The following BICRA variants were observed in gnomAD, a reference collection of about 807,000 sequenced individuals.
BICRA encodes the protein BRD4 interacting chromatin remodeling complex associated protein.
BICRA carries 31 observed loss-of-function variants against 96.9 expected under a neutral mutation model. The observed-to-expected ratio is 0.32, with a 90% CI of 0.24 to 0.43. The LOEUF (loss-of-function observed/expected upper bound fraction) is 0.43. BICRA is among the 20% of genes least tolerant of loss of function. The pLI, the probability that BICRA is intolerant of heterozygous loss-of-function variation, is 1.00. For missense variants in BICRA, 2,283 were observed against 2,190.3 expected, an observed-to-expected ratio of 1.04 and a Z score of -0.84; for synonymous variants, 1,350 against 1,071.8, an observed-to-expected ratio of 1.26 and a Z score of -5.07.
At chr19:47,695,326 G>A (rs891604877) in intron 9 of BICRA, 39 bp from the exon 10 acceptor site, 7 of 822,464 alleles carry the variant, frequency 8.5e-6, no homozygotes, top group African/African-American at 1.7e-5. Context: ...TTCATGCAGT[G>A]ACCGCAGGCC....
intron 1 of BICRA, among the ~76,000 whole-genome samples, chr19:47,620,723 G>A (rs1163666533): frequency 6.7e-6 from 1 of 149,200 alleles, no homozygotes; most frequent in Non-Finnish European, 1.5e-5. Context: ...CAAATGACCA[G>A]GGATGCTTGT....
intron 1 of BICRA, among the ~76,000 whole-genome samples, chr19:47,654,652 A>G (rs540308592): frequency 6.6e-6 from 1 of 152,120 alleles, no homozygotes; most frequent in East Asian, 1.9e-4. Context: ...GCTATTATTA[A>G]TAGAAACATA....
chr19:47,701,488 G>A lies in BICRA; in HGVS notation c.3756G>A (p.Gly1252=), dbSNP rs780098215. ...LPTKLVIRHG[G]AGGSPSVTWA... Reference sequence around the variant, plus strand: ...CCAAGCTTGTGATCCGGCACGGCGGGGCAGGCGGCTCCCCTTCGGTCACCT... The same window carrying A: ...CCAAGCTTGTGATCCGGCACGGCGGAGCAGGCGGCTCCCCTTCGGTCACCT... Residue 1252 remains glycine, a synonymous_variant, in exon 15 of 15, where the codon GGG becomes GGA. Transcript: ENST00000594866. This position sits in a 1 kb window ranked among gnomAD's most constrained non-coding sequence, Gnocchi z 5.4. The A allele has an allele frequency of 2.6e-5, 40 of 1,549,868 alleles. No individual in the cohort carries two copies. The highest frequency in any genetic ancestry group is 3.4e-5 in the Non-Finnish European group (39 of 1,147,818).
At chr19:47,649,520 G>T (rs1290698091) in intron 1 of BICRA, among the ~76,000 whole-genome samples, 1 of 152,102 alleles carries the variant, frequency 6.6e-6, no homozygotes, top group Non-Finnish European at 1.5e-5. Context: ...ACCTGCCACT[G>T]TCTGCTCAGT....
Position 47,610,658 on chromosome 19 carries a change from A to C in BICRA, c.-108+1490A>C, listed in dbSNP as rs1971892333. Among the ~76,000 whole-genome samples, 3 of 151,282 alleles carry C rather than the reference A, an allele frequency of 2.0e-5. No individual in the cohort carries two copies. The South Asian group carries it at 6.2e-4, about 31-fold the overall frequency. ...CTACCCACCCCATAGTATAATACAG[A>C]TCTAGGGGTGCCTTTCTCTTACACC... On this transcript the variant is annotated intron_variant, in intron 1 of 14. Coordinates refer to ENST00000594866, the MANE Select transcript of BICRA (RefSeq NM_001394372.1).
chr19:47,631,835 G>A (rs573634406), intron 1 of BICRA, among the ~76,000 whole-genome samples: 11 of 152,216 alleles, frequency 7.2e-5, no homozygotes, highest in African/African-American at 2.6e-4. Flanking sequence ...GCTTAGTAGA[G>A]ACGGGGTTTC....
At chr19:47,676,948 T>C (rs1327658537) in intron 5 of BICRA, among the ~76,000 whole-genome samples, 1 of 152,058 alleles carries the variant, frequency 6.6e-6, no homozygotes, top group East Asian at 1.9e-4. Context: ...GCAGGTTGGT[T>C]GTGACCATCT....
rs1428801011 is a variant in BICRA at position 47,694,729 on chromosome 19, A to T, written c.2895+3A>T. 1 of 1,441,668 alleles carries T rather than the reference A, an allele frequency of 6.9e-7. No individual in the cohort carries two copies. Among genetic ancestry groups the T allele is most frequent in the African/African-American group, 1.4e-5 (1 of 71,688 alleles). 89.3% of individuals were successfully genotyped at this position (1,441,668 alleles called of 1,614,324 possible). A position where few individuals can be genotyped will look rare whatever the true frequency, so the allele number is the denominator to read the frequency against. On this transcript the variant is annotated splice_donor_region_variant and intron_variant, in intron 8 of 14. Coordinates refer to ENST00000594866, the MANE Select transcript of BICRA (RefSeq NM_001394372.1). Reference sequence around the variant, plus strand: ...CTCTTCTCGAGAGATTTCACCAGGTAACGGGAGGCAGGGACTGCCCGCCCC... The same window carrying T: ...CTCTTCTCGAGAGATTTCACCAGGTTACGGGAGGCAGGGACTGCCCGCCCC...
chr19:47,651,665 G>A (rs775770322), intron 1 of BICRA, among the ~76,000 whole-genome samples: 5 of 152,146 alleles, frequency 3.3e-5, no homozygotes, highest in Admixed American at 6.6e-5. Context: ...GGAACAGCAC[G>A]ATCTTAAATA....
intron 1 of BICRA, among the ~76,000 whole-genome samples, chr19:47,665,118 G>T (rs891574467): frequency 2.1e-5 from 3 of 144,104 alleles, no homozygotes; most frequent in Admixed American, 7.3e-5. Context: ...CACCCTCCCT[G>T]GCTGAGAACC....
chr19:47,689,958 C>T (rs1159356022), intron 7 of BICRA, among the ~76,000 whole-genome samples: 4 of 151,794 alleles, frequency 2.6e-5, no homozygotes, highest in African/African-American at 9.7e-5. Context: ...CAGATTTTGG[C>T]GTTCTACACG....
At chr19:47,624,694 C>CT (rs796657653) in intron 1 of BICRA, among the ~76,000 whole-genome samples, 4,878 of 145,868 alleles carry the variant, frequency 0.033, 228 homozygotes, top group African/African-American at 0.11. Flanking sequence ...CACGCCCTGA[C>CT]TTTTTTTTTT....
intron 7 of BICRA, among the ~76,000 whole-genome samples, chr19:47,685,947 G>GTTT (rs57184017): frequency 2.2e-5 from 3 of 138,640 alleles, no homozygotes; most frequent in Non-Finnish European, 3.2e-5. Flanking sequence ...ATAAGAATTT[G>GTTT]TTTTTTTTTT....
At position 47,680,745 on chromosome 19, in the gene BICRA, C is replaced by A. The variant is rs779838953; in HGVS notation, c.1575C>A (p.Ser525Arg). The A allele has an allele frequency of 1.2e-6, 2 of 1,607,950 alleles. No homozygotes were observed. The highest frequency in any genetic ancestry group is 2.2e-5 in the South Asian group (2 of 90,450). The part of the protein sequence containing the change: ...LTNQNLAGPL[S>R]LGPVLAPHSG... ...ACCAGAACCTGGCGGGCCCACTGAG[C>A]CTGGGCCCCGTGTTGGCCCCCCACT... is the stretch of plus-strand genomic sequence containing the variant. The change falls in exon 6 of 15, where the codon AGC becomes AGA. Residue 525 changes from serine (S) to arginine (R), a missense_variant. Ser to Arg is a moderately radical substitution (Grantham distance 110, BLOSUM62 -1). Coordinates refer to ENST00000594866, the MANE Select transcript of BICRA (RefSeq NM_001394372.1).
chr19:47,644,591 C>A (rs1489256974), intron 1 of BICRA, among the ~76,000 whole-genome samples: 1 of 151,708 alleles, frequency 6.6e-6, no homozygotes, highest in Non-Finnish European at 1.5e-5. Context: ...ACCTCTGCCT[C>A]TTGGGTTCAA....
chr19:47,620,059 G>A (rs993180226), intron 1 of BICRA, among the ~76,000 whole-genome samples: 19 of 152,186 alleles, frequency 1.2e-4, no homozygotes, highest in African/African-American at 4.3e-4. Flanking sequence ...CGTGGAGTCC[G>A]TTGGGTTGAG....
intron 7 of BICRA, among the ~76,000 whole-genome samples, chr19:47,686,396 C>T (rs974572576): frequency 6.6e-6 from 1 of 151,620 alleles, no homozygotes; most frequent in Non-Finnish European, 1.5e-5. Context: ...CTGGGGTTAG[C>T]GGGGAGGCAT....
chr19:47,680,895 C>A lies in BICRA; in HGVS notation c.1725C>A (p.Ala575=). Residue 575 remains alanine (A), a synonymous_variant, in exon 6 of 15, where the codon GCC becomes GCA. Coordinates refer to ENST00000594866, the MANE Select transcript of BICRA (RefSeq NM_001394372.1). The part of the protein sequence containing the change: ...SLPTQSQPAP[A]GPAATTVLQG... ...CCACGCAGAGCCAGCCAGCGCCCGC[C>A]GGGCCGGCCGCCACCACTGTCCTCC... 1.3e-6 allele frequency: 2 copies of A among 1,484,862 alleles called. No individual in the cohort carries two copies. Among genetic ancestry groups the A allele is most frequent in the East Asian group, 2.6e-5 (1 of 38,634 alleles). The allele number at this position is 1,484,862 out of a possible 1,614,324, so 92.0% of individuals were successfully genotyped here. A position where few individuals can be genotyped will look rare whatever the true frequency, so the allele number is the denominator to read the frequency against.
At chr19:47,627,139 T>C (rs909705188) in intron 1 of BICRA, among the ~76,000 whole-genome samples, 1 of 152,176 alleles carries the variant, frequency 6.6e-6, no homozygotes, top group African/African-American at 2.4e-5. Context: ...GCTGAGCCAT[T>C]GCAGGCTGAG....
Sources: allele counts gnomAD v4.1 joint callset (sites outside exome capture counted in the v4.1 genomes callset), GRCh38; gene constraint gnomAD v4.1.1; non-coding constraint Gnocchi (gnomAD v3.1); transcripts MANE v1.5; gene names NCBI Gene and HGNC (gene_info 2026-07-23, HGNC 2026-07-21).